Variants in ABCA4 observed in about 807,000 individuals in gnomAD.
ABCA4 encodes the protein ATP binding cassette subfamily A member 4.
A neutral mutation model predicts 263.7 loss-of-function variants in ABCA4; 196 were observed. The ratio of observed to expected loss-of-function variants is 0.74; its 90% CI spans 0.66 to 0.84. ABCA4 has a LOEUF of 0.84. Ranked by LOEUF, ABCA4 falls within the 40% of genes least tolerant of loss-of-function variation. ABCA4 has a pLI of 0.00. For synonymous variants in ABCA4, 1,133 were observed against 1,094.2 expected (o/e 1.04, Z -0.70); for missense variants, 2,792 against 2,855.1 (o/e 0.98, Z 0.50).
chr1:94,041,230 C>G lies in ABCA4; in HGVS notation c.3501G>C (p.Gln1167His). ...CTACCTCACTGCCTTTCCTTTGGCT[C>G]TGGATGTTTTTCATCTTGCGCACCA... ...LTLVRKMKNI[Q>H]SQRKGSEGTC... The change falls in exon 23 of 50, where the codon CAG becomes CAC. Residue 1167 changes from glutamine to histidine, a missense_variant. Coordinates refer to ENST00000370225, the MANE Select transcript of ABCA4 (RefSeq NM_000350.3). The G allele has an allele frequency of 6.2e-7, 1 of 1,614,146 alleles. No homozygotes were observed. Among genetic ancestry groups the G allele is most frequent in the Non-Finnish European group, 8.5e-7 (1 of 1,180,038 alleles).
At chr1:94,011,075 C>G in intron 39 of ABCA4, 146 bp from the exon 40 acceptor site, 1 of 1,541,806 alleles carries the variant, frequency 6.5e-7, no homozygotes, top group South Asian at 1.1e-5. Flanking sequence ...CCCTCCATCC[C>G]TCCTGTGGCT....
At chr1:94,002,123 T>A in intron 44 of ABCA4, 131 bp from the exon 45 acceptor site, 1 of 1,359,424 alleles carries the variant, frequency 7.4e-7, no homozygotes, top group Non-Finnish European at 1.0e-6. Flanking sequence ...AACAGGCTCC[T>A]GCTGGCTCCT....
rs1659998864 is a variant in ABCA4, at chr1:94,024,992, G to A, written c.4596C>T (p.Asp1532=). ...LQDLTDRNIS[D]FLVKTYPALI... is the part of the protein sequence containing the mutation. ...GAGCAGGATACGTTTTTACCAAGAA[G>A]TCGGAGATGTTCCTGTCCGTCAGGT... The change falls in exon 31 of 50, where the codon GAC becomes GAT. Residue 1532 remains aspartate, a synonymous_variant. Coordinates refer to ENST00000370225, the MANE Select transcript of ABCA4 (RefSeq NM_000350.3). 3.7e-6 allele frequency: 6 copies of A among 1,614,204 alleles called. No individual in the cohort carries two copies. The highest frequency in any genetic ancestry group is 5.1e-6 in the Non-Finnish European group (6 of 1,180,034).
intron 30 of ABCA4, among the ~76,000 whole-genome samples, chr1:94,026,568 C>CA (rs987365908): frequency 1.3e-5 from 2 of 152,218 alleles, no homozygotes; most frequent in African/African-American, 4.8e-5. Flanking sequence ...AAGTGGCACT[C>CA]AGACACCGGC....
intron 9 of ABCA4, 26 bp downstream of exon 9, chr1:94,079,296 C>T (rs1661621786): frequency 6.2e-7 from 1 of 1,613,966 alleles, no homozygotes; most frequent in African/African-American, 1.3e-5. Flanking sequence ...CCAGGGTACA[C>T]AAGGCAAGCC....
chr1:94,013,936 T>A (rs1487398948), intron 38 of ABCA4, among the ~76,000 whole-genome samples: 2 of 152,002 alleles, frequency 1.3e-5, no homozygotes, highest in Non-Finnish European at 2.9e-5. Context: ...ACTGCATGAG[T>A]GGGAAACAGG....
In ABCA4 at chr1:94,111,537, G is replaced by C. The variant is rs62654397; in HGVS notation, c.203C>G (p.Pro68Arg). 3.7e-6 allele frequency: 6 copies of C among 1,614,204 alleles called. No homozygotes were observed. Among genetic ancestry groups the C allele is most frequent in the Non-Finnish European group, 5.1e-6 (6 of 1,180,010 alleles). The change falls in exon 3 of 50, where the codon CCG (proline) becomes CGG (arginine). Residue 68 changes from proline (P) to arginine (R), a missense_variant. Physicochemically the swap from Pro to Arg is moderately radical, Grantham distance 103. Transcript: ENST00000370225. ...NKAMPSAGMLPWLQGIFCNVN... is the reference protein window; with the variant it reads ...NKAMPSAGMLRWLQGIFCNVN... ...ATTGCAGAAGATCCCCTGGAGCCAC[G>C]GCAGCATTCCTGCTGAGGGCATCGC...
At chr1:94,013,721 A>G (rs1659640130) in intron 38 of ABCA4, among the ~76,000 whole-genome samples, 1 of 152,184 alleles carries the variant, frequency 6.6e-6, no homozygotes, top group Admixed American at 6.5e-5. Flanking sequence ...GGAAGGGACA[A>G]CTGGGCTTGG....
Position 94,021,304 on chromosome 1 carries a change from A to T in ABCA4, c.4954T>A (p.Tyr1652Asn). 6.2e-7 allele frequency: 1 copy of T among 1,613,868 alleles called. No homozygotes were observed. Among genetic ancestry groups the T allele is most frequent in the Non-Finnish European group, 8.5e-7 (1 of 1,179,970 alleles). Residue 1652 changes from tyrosine (Y) to asparagine (N), a missense_variant, in exon 35 of 50, where the codon TAT becomes AAT. By Grantham distance (143) the Tyr-to-Asn change is moderately radical (BLOSUM62 -2). Coordinates refer to ENST00000370225, the MANE Select transcript of ABCA4 (RefSeq NM_000350.3). Reference sequence around the variant, plus strand: ...GGTTGGCTAATGACGGTGATTCCATACTCCTCGGGGCTCCTGTCCTTAGGC... The same window carrying T: ...GGTTGGCTAATGACGGTGATTCCATTCTCCTCGGGGCTCCTGTCCTTAGGC... Reference protein sequence around the residue: ...SLPKDRSPEEYGITVISQPLN... With the variant: ...SLPKDRSPEENGITVISQPLN...
At chr1:94,013,472 C>T (rs1222798179) in intron 38 of ABCA4, among the ~76,000 whole-genome samples, 1 of 152,062 alleles carries the variant, frequency 6.6e-6, no homozygotes, top group Non-Finnish European at 1.5e-5. Flanking sequence ...GCTGGCCGGT[C>T]CCACCCTCTG....
rs910086291 is a variant in ABCA4 at position 94,108,623 on chromosome 1, C to A, written c.396G>T (p.Leu132Phe). Residue 132 changes from leucine to phenylalanine, a missense_variant, in exon 4 of 50, where the codon TTG becomes TTT. By Grantham distance (22) the Leu-to-Phe change is conservative. Coordinates refer to ENST00000370225, the MANE Select transcript of ABCA4 (RefSeq NM_000350.3). ...LGRIWTELHI[L>F]SQFMDTLRTH... ...TCCGGAGGGTGTCCATGAATTGGGACAAGATGTGTAGCTCTGTCCAAATAC... is the reference window on the plus strand; with the variant it reads ...TCCGGAGGGTGTCCATGAATTGGGAAAAGATGTGTAGCTCTGTCCAAATAC... 1.2e-6 allele frequency: 2 copies of A among 1,613,804 alleles called. No homozygotes were observed. The highest frequency in any genetic ancestry group is 1.7e-6 in the Non-Finnish European group (2 of 1,180,032).
chr1:94,111,220 T>C (rs1241739349), intron 3 of ABCA4, among the ~76,000 whole-genome samples: 1 of 152,128 alleles, frequency 6.6e-6, no homozygotes, highest in Non-Finnish European at 1.5e-5. Flanking sequence ...CCAAGAAATT[T>C]TGTGCACGTG....
At chr1:94,027,602 T>C (rs745826271) in intron 30 of ABCA4, among the ~76,000 whole-genome samples, 1 of 152,160 alleles carries the variant, frequency 6.6e-6, no homozygotes, top group Non-Finnish European at 1.5e-5. Flanking sequence ...TAAAGATACA[T>C]GCTTTAGAAT....
chr1:94,067,725 T>C (rs560098266), intron 11 of ABCA4, among the ~76,000 whole-genome samples: 4 of 152,304 alleles, frequency 2.6e-5, no homozygotes, highest in Non-Finnish European at 1.5e-5. Flanking sequence ...ATTGCCTCCC[T>C]GTAGGAATAA....
intron 10 of ABCA4, 133 bp downstream of exon 10, chr1:94,078,456 TG>T: frequency 1.4e-6 from 1 of 714,832 alleles, no homozygotes. Context: ...TGAAGGCCTT[TG>T]GGGCCTGCTT....
Position 94,041,309 on chromosome 1 carries a change from G to A in ABCA4, c.3422C>T (p.Ser1141Leu), listed in dbSNP as rs756605933. Reference sequence around the variant, plus strand: ...GTTCTTCAGGAAGAGTGGGGTGCCTGAGCAGTAGAGCCTTCCCTGGGCAAT... The same window carrying A: ...GTTCTTCAGGAAGAGTGGGGTGCCTAAGCAGTAGAGCCTTCCCTGGGCAAT... ...AIIAQGRLYC[S>L]GTPLFLKNCF... Residue 1141 changes from serine (S) to leucine (L), a missense_variant, in exon 23 of 50, where the codon TCA becomes TTA. Physicochemically the swap from Ser to Leu is moderately radical, Grantham distance 145. Coordinates refer to ENST00000370225, the MANE Select transcript of ABCA4 (RefSeq NM_000350.3). The A allele has an allele frequency of 8.1e-6, 13 of 1,614,124 alleles. No homozygotes were observed. Among genetic ancestry groups the A allele is most frequent in the East Asian group, 2.2e-5 (1 of 44,860 alleles).
chr1:94,080,655 C>T lies in ABCA4; in HGVS notation c.922G>A (p.Gly308Ser), dbSNP rs1476928511. The T allele has an allele frequency of 6.8e-6, 11 of 1,613,966 alleles. No individual in the cohort carries two copies. The highest frequency in any genetic ancestry group is 2.7e-5 in the African/African-American group (2 of 74,882). The change falls in exon 8 of 50, where the codon GGT becomes AGT. Residue 308 changes from glycine to serine, a missense_variant. Coordinates refer to ENST00000370225, the MANE Select transcript of ABCA4 (RefSeq NM_000350.3). The stretch of plus-strand genomic sequence containing the variant: ...ATCAGCTTTGTAAAGGTCTCTGGAC[C>T]ACCATTCTGCATGAGGGGCCTGGTC... The part of the protein sequence containing the change: ...WVTRPLMQNG[G>S]PETFTKLMGI...
At position 94,048,950 on chromosome 1, in the gene ABCA4, T is replaced by C; in HGVS notation, c.2661A>G (p.Ser887=). 1 of 1,614,078 alleles carries C rather than the reference T, an allele frequency of 6.2e-7. No individual in the cohort carries two copies. Among genetic ancestry groups the C allele is most frequent in the Non-Finnish European group, 8.5e-7 (1 of 1,180,010 alleles). ...TTTCCAGGGCTCTTTCTTCTCTGGT[T>C]GAACACCCTGCACCAATCAGAAGCC... ...ESYWLGGEGC[S]TREERALEKT... is the part of the protein sequence containing the mutation. The change falls in exon 18 of 50, where the codon TCA becomes TCG. Residue 887 remains serine, a synonymous_variant. Coordinates refer to ENST00000370225, the MANE Select transcript of ABCA4 (RefSeq NM_000350.3).
chr1:94,021,510 C>T, intron 34 of ABCA4, 101 bp from the exon 35 acceptor site: 3 of 1,547,872 alleles, frequency 1.9e-6, no homozygotes, highest in Non-Finnish European at 2.7e-6. Flanking sequence ...GGTTTGGTAG[C>T]TGGAAGACAT....
Sources: allele counts gnomAD v4.1 joint callset (sites outside exome capture counted in the v4.1 genomes callset), GRCh38; gene constraint gnomAD v4.1.1; transcripts MANE v1.5; gene names NCBI Gene and HGNC (gene_info 2026-07-23, HGNC 2026-07-21).